Variants in SEMA3A observed in about 807,000 individuals in gnomAD.
SEMA3A encodes the protein semaphorin-3A.
Under a neutral mutation model 97.9 loss-of-function variants are expected in SEMA3A, and 29 were observed. That is an observed-to-expected ratio of 0.30 (90% CI 0.22 to 0.40). SEMA3A has a LOEUF of 0.40. Among genes scored for constraint, SEMA3A ranks in the 10% least tolerant of loss-of-function variants. The probability of loss-of-function intolerance (pLI) is 1.00; values close to 1 mark genes in which losing one functional copy is unlikely to be tolerated. For missense variants in SEMA3A, 763 were observed against 951.3 expected, an observed-to-expected ratio of 0.80 and a Z score of 2.60; for synonymous variants, 321 against 323.7, an observed-to-expected ratio of 0.99 and a Z score of 0.09.
At chr7:84,142,966 A>G (rs925458224) in intron 1 of SEMA3A, among the ~76,000 whole-genome samples, 2 of 149,448 alleles carry the variant, frequency 1.3e-5, no homozygotes, top group African/African-American at 2.6e-5. Flanking sequence ...GACCCATGCA[A>G]GCCAGACCCT....
intron 3 of SEMA3A, among the ~76,000 whole-genome samples, chr7:84,300,648 A>C (rs972364573): frequency 3.9e-5 from 6 of 152,202 alleles, no homozygotes; most frequent in Admixed American, 3.9e-4. Context: ...CAAAATAAAA[A>C]GCAGATAATA....
intron 2 of SEMA3A, among the ~76,000 whole-genome samples, chr7:84,347,346 A>T (rs1383973856): frequency 6.6e-6 from 1 of 152,196 alleles, no homozygotes; most frequent in Admixed American, 6.5e-5. Context: ...ATATATTCAT[A>T]AAATGAGGCA....
intron 3 of SEMA3A, among the ~76,000 whole-genome samples, chr7:84,246,701 T>C (rs1799484547): frequency 6.6e-6 from 1 of 152,094 alleles, no homozygotes; most frequent in Non-Finnish European, 1.5e-5. Context: ...AATACTAGCA[T>C]CCTCTTCTCA....
At chr7:84,234,861 G>T (rs1204257397) in intron 3 of SEMA3A, among the ~76,000 whole-genome samples, 2 of 151,932 alleles carry the variant, frequency 1.3e-5, no homozygotes, top group East Asian at 3.9e-4. Context: ...ATCTTTTGTA[G>T]TTTCATTACT....
chr7:84,023,959 C>T (rs1000622709), intron 6 of SEMA3A, among the ~76,000 whole-genome samples: 11 of 146,590 alleles, frequency 7.5e-5, no homozygotes, highest in African/African-American at 2.8e-4. Flanking sequence ...TTGCAGTGAA[C>T]GGAGATCGCG....
At chr7:84,460,206 T>G (rs1805792864) in intron 1 of SEMA3A, among the ~76,000 whole-genome samples, 1 of 152,206 alleles carries the variant, frequency 6.6e-6, no homozygotes. Flanking sequence ...TAATCCTGGA[T>G]GCTTCTTTCT....
chr7:84,163,498 A>C (rs1797107443), intron 1 of SEMA3A, among the ~76,000 whole-genome samples: 1 of 152,322 alleles, frequency 6.6e-6, no homozygotes, highest in African/African-American at 2.4e-5. Context: ...GATGACTCAA[A>C]ATTCAGCTTA....
chr7:84,386,574 CAA>C (rs1562928608), intron 1 of SEMA3A, among the ~76,000 whole-genome samples: 2 of 152,126 alleles, frequency 1.3e-5, no homozygotes, highest in Non-Finnish European at 2.9e-5. Flanking sequence ...TTCTGTGCCA[CAA>C]GAGAGAACAC....
chr7:84,032,167 G>C (rs768160667), intron 6 of SEMA3A, among the ~76,000 whole-genome samples: 1 of 152,062 alleles, frequency 6.6e-6, no homozygotes, highest in Admixed American at 6.6e-5. Flanking sequence ...TTGGCAGTGC[G>C]GCTTGTCCTC....
intron 3 of SEMA3A, among the ~76,000 whole-genome samples, chr7:84,217,030 T>G (rs1798768893): frequency 6.6e-6 from 1 of 152,208 alleles, no homozygotes; most frequent in South Asian, 2.1e-4. Context: ...GCATGAATGT[T>G]AAATTATTCA....
At chr7:84,064,785 C>G (rs1163998409) in intron 4 of SEMA3A, among the ~76,000 whole-genome samples, 2 of 150,614 alleles carry the variant, frequency 1.3e-5, no homozygotes, top group Non-Finnish European at 3.0e-5. Flanking sequence ...CCTGAGTGAC[C>G]TACAAAGAGA....
chr7:84,272,729 G>A (rs866829270), intron 3 of SEMA3A, among the ~76,000 whole-genome samples: 1 of 152,078 alleles, frequency 6.6e-6, no homozygotes. Flanking sequence ...AGGCAGGTCA[G>A]GTTACGCCAT....
intron 3 of SEMA3A, among the ~76,000 whole-genome samples, chr7:84,228,580 T>C (rs967708338): frequency 6.6e-6 from 1 of 152,114 alleles, no homozygotes; most frequent in Admixed American, 6.6e-5. Context: ...TAAAAATTTA[T>C]CTGTCAATTT....
chr7:84,119,889 A>G (rs1188892866), intron 3 of SEMA3A, among the ~76,000 whole-genome samples: 1 of 152,132 alleles, frequency 6.6e-6, no homozygotes, highest in Non-Finnish European at 1.5e-5. Context: ...CTGTACTCTA[A>G]AAGTATGTAC....
chr7:84,210,074 T>C (rs1798589997), intron 3 of SEMA3A, among the ~76,000 whole-genome samples: 1 of 152,192 alleles, frequency 6.6e-6, no homozygotes, highest in Non-Finnish European at 1.5e-5. Context: ...AAAACCAATA[T>C]TATTGATAAT....
At chr7:84,332,089 T>A (rs924092443) in intron 2 of SEMA3A, among the ~76,000 whole-genome samples, 5 of 152,074 alleles carry the variant, frequency 3.3e-5, no homozygotes, top group African/African-American at 4.8e-5. Context: ...AGTTACTTAT[T>A]TTTTACCATT....
At chr7:84,148,377 C>T (rs1796527436) in intron 1 of SEMA3A, among the ~76,000 whole-genome samples, 1 of 152,010 alleles carries the variant, frequency 6.6e-6, no homozygotes, top group Non-Finnish European at 1.5e-5. Flanking sequence ...GAGCTCCGTG[C>T]GGAAGGATGG....
chr7:84,414,567 A>AT (rs1233880272), intron 1 of SEMA3A, among the ~76,000 whole-genome samples: 8 of 152,134 alleles, frequency 5.3e-5, no homozygotes, highest in Non-Finnish European at 7.4e-5. Context: ...TCATTATGTG[A>AT]TTCTAGTATA....
At chr7:84,072,577 T>TA (rs1324527166) in intron 4 of SEMA3A, among the ~76,000 whole-genome samples, 5 of 152,190 alleles carry the variant, frequency 3.3e-5, no homozygotes, top group Admixed American at 3.3e-4. Context: ...ACTTTGCTAA[T>TA]TTATGTAAGT....
Sources: allele counts gnomAD v4.1 joint callset (sites outside exome capture counted in the v4.1 genomes callset), GRCh38; gene constraint gnomAD v4.1.1; transcripts MANE v1.5; gene names NCBI Gene and HGNC (gene_info 2026-07-23, HGNC 2026-07-21).